CRYL1: variants seen among roughly 807,000 people sequenced by gnomAD.
CRYL1 encodes crystallin lambda 1.
Under a neutral mutation model 36.6 loss-of-function variants are expected in CRYL1, and 29 were observed. The ratio of observed to expected loss-of-function variants is 0.79; its 90% CI spans 0.59 to 1.08. CRYL1 has a LOEUF of 1.08. CRYL1 is among the 50% of genes least tolerant of loss of function. The pLI is 0.00. For synonymous variants in CRYL1, 152 were observed against 151.5 expected, an observed-to-expected ratio of 1.00 and a Z score of -0.02; for missense variants, 411 against 407.9, an observed-to-expected ratio of 1.01 and a Z score of -0.06.
chr13:20,482,447 G>A (rs183491707), intron 3 of CRYL1, among the ~76,000 whole-genome samples: 3 of 152,362 alleles, frequency 2.0e-5, no homozygotes, highest in Admixed American at 6.5e-5. Context: ...GTCAAGGCTT[G>A]AGACCAGCTT....
At chr13:20,510,645 C>T (rs772506221) in intron 2 of CRYL1, among the ~76,000 whole-genome samples, 38 of 149,416 alleles carry the variant, frequency 2.5e-4, no homozygotes, top group Non-Finnish European at 5.3e-4. Context: ...CAGAGTCTCA[C>T]TCTGTAGCCC....
At chr13:20,501,967 A>G (rs1013078944) in intron 2 of CRYL1, among the ~76,000 whole-genome samples, 1 of 152,210 alleles carries the variant, frequency 6.6e-6, no homozygotes, top group African/African-American at 2.4e-5. Flanking sequence ...TCCATGTGGC[A>G]CGGTGATAGT....
intron 1 of CRYL1, among the ~76,000 whole-genome samples, chr13:20,517,223 G>C (rs2034015694): frequency 1.3e-5 from 2 of 152,236 alleles, no homozygotes; most frequent in Admixed American, 1.3e-4. Context: ...GACAGGAGCA[G>C]ATGACAAATG....
Position 20,415,448 on chromosome 13 carries a change from C to T in CRYL1, c.634-2061G>A, listed in dbSNP as rs547526573. Among the ~76,000 whole-genome samples, 1 of 152,162 alleles carries T rather than the reference C, an allele frequency of 6.6e-6. No individual in the cohort carries two copies. The highest frequency in any genetic ancestry group is 6.5e-5 in the Admixed American group (1 of 15,278). The stretch of plus-strand genomic sequence containing the variant: ...GTGTGCTGGCTTGGACACCGCCCTG[C>T]GTCTGCAGAGAGCGCGGCGGTGAAG... On this transcript the variant is annotated intron_variant, in intron 5 of 7. Transcript: ENST00000298248. The surrounding 1 kb of genome is among the most constrained non-coding windows in gnomAD (Gnocchi z 4.1).
chr13:20,494,921 G>T (rs1378027048), intron 2 of CRYL1, among the ~76,000 whole-genome samples: 1 of 152,132 alleles, frequency 6.6e-6, no homozygotes. Flanking sequence ...GGAGAGACAC[G>T]GTCACACATG....
chr13:20,493,979 T>G (rs1381303050), intron 2 of CRYL1, among the ~76,000 whole-genome samples: 1 of 152,152 alleles, frequency 6.6e-6, no homozygotes, highest in Non-Finnish European at 1.5e-5. Context: ...TCAACCCTCA[T>G]CAAGAGCAGA....
intron 5 of CRYL1, chr13:20,418,582 G>A (rs1039263073): frequency 6.6e-6 from 1 of 152,122 alleles, no homozygotes; most frequent in South Asian, 2.1e-4. Flanking sequence ...TCTGATTCAT[G>A]TATTTTTTGC....
rs35780379 is a variant in CRYL1, at chr13:20,516,190, C to CAAA, written c.42-3643_42-3641dup. ...TGGGCGAAAGAGCAAAACTCCATCT[C>CAAA]AAAAAAAAAAAAAAAAAAAAAGGCA... is the stretch of plus-strand genomic sequence containing the variant. On this transcript the variant is annotated intron_variant, in intron 1 of 7. Coordinates refer to ENST00000298248, the MANE Select transcript of CRYL1 (RefSeq NM_015974.3). Among the ~76,000 whole-genome samples the CAAA allele has an allele frequency of 1.4e-3, 101 of 72,468 alleles. 3 individuals carry two copies. The highest frequency in any genetic ancestry group is 8.5e-3 in the East Asian group (20 of 2,348). 47.5% of individuals were successfully genotyped at this position (72,468 alleles called of 152,430 possible).
At chr13:20,505,874 T>C (rs1025334726) in intron 2 of CRYL1, among the ~76,000 whole-genome samples, 2 of 152,250 alleles carry the variant, frequency 1.3e-5, no homozygotes, top group African/African-American at 2.4e-5. Flanking sequence ...TTGGGGTTTC[T>C]GAACATCTAA....
At chr13:20,480,068 A>C (rs2033245188) in intron 3 of CRYL1, among the ~76,000 whole-genome samples, 1 of 152,210 alleles carries the variant, frequency 6.6e-6, no homozygotes, top group Non-Finnish European at 1.5e-5. Context: ...TAAAGACATT[A>C]TGAAGAAGAA....
intron 4 of CRYL1, among the ~76,000 whole-genome samples, chr13:20,439,310 T>C (rs931024185): frequency 2.6e-4 from 39 of 152,082 alleles, no homozygotes; most frequent in Admixed American, 3.3e-4. Context: ...CTCTATTCCG[T>C]TGCACATTAG....
chr13:20,508,875 A>AAAAAAAC (rs1491583448), intron 2 of CRYL1, among the ~76,000 whole-genome samples: 1 of 13,798 alleles, frequency 7.2e-5, no homozygotes, highest in African/African-American at 1.4e-4. Context: ...AAAAAAAAAA[A>AAAAAAAC]CAAAAAAAAA....
chr13:20,460,578 T>A (rs1244571793), intron 3 of CRYL1, among the ~76,000 whole-genome samples: 1 of 124,344 alleles, frequency 8.0e-6, no homozygotes, highest in African/African-American at 3.1e-5. Flanking sequence ...CAGGCTGGAG[T>A]GCAGTGGCGC....
chr13:20,507,811 C>T lies in CRYL1; in HGVS notation c.149+4632G>A, dbSNP rs567501839. Among the ~76,000 whole-genome samples the T allele has an allele frequency of 3.6e-4, 54 of 150,898 alleles. 1 individual carries two copies. The highest frequency in any genetic ancestry group is 1.2e-3 in the African/African-American group (49 of 40,962). On this transcript the variant is annotated intron_variant, in intron 2 of 7. Transcript: ENST00000298248. ...CGAGCACCTGTAGCCCCAGCTACTC[C>T]GGAGGCTGAGGCAGGAGAATGGCAT...
At chr13:20,506,647 A>G (rs1362899463) in intron 2 of CRYL1, among the ~76,000 whole-genome samples, 1 of 152,194 alleles carries the variant, frequency 6.6e-6, no homozygotes, top group Non-Finnish European at 1.5e-5. Flanking sequence ...GGCCTAAAAC[A>G]CAAATACCCA....
chr13:20,501,162 T>TCATCATTTCAGTCATTGG, intron 2 of CRYL1, among the ~76,000 whole-genome samples: 1 of 152,246 alleles, frequency 6.6e-6, no homozygotes, highest in Non-Finnish European at 1.5e-5. Flanking sequence ...TTGGCTGTAC[T>TCATCATTTCAGTCATTGG]CATCATTTCA....
chr13:20,451,751 T>C (rs2032575262), intron 3 of CRYL1, among the ~76,000 whole-genome samples: 1 of 152,108 alleles, frequency 6.6e-6, no homozygotes, highest in African/African-American at 2.4e-5. Context: ...TTAAAACAGA[T>C]CTACAATTTG....
Position 20,404,660 on chromosome 13 carries a change from C to G in CRYL1, c.821G>C (p.Arg274Thr). The change falls in exon 7 of 8, where the codon AGG becomes ACG. Residue 274 changes from arginine (R) to threonine (T), a missense_variant. Transcript: ENST00000298248. ...CTGGTTAACCTTCTCAGCAGTGGCC[C>G]TGGAAAACTCTGGAATGGGTCCAAA... is the stretch of plus-strand genomic sequence containing the variant. The part of the protein sequence containing the change: ...QTFGPIPEFS[R>T]ATAEKVNQDM... The G allele has an allele frequency of 6.2e-7, 1 of 1,613,466 alleles. No individual in the cohort carries two copies. The highest frequency in any genetic ancestry group is 1.7e-5 in the Admixed American group (1 of 60,030).
intron 5 of CRYL1, among the ~76,000 whole-genome samples, chr13:20,417,684 A>G (rs976611212): frequency 2.6e-5 from 4 of 152,174 alleles, no homozygotes; most frequent in Admixed American, 6.6e-5. Context: ...CTGCTTCCTT[A>G]GTTAAAACCT....
Sources: gnomAD v4.1 joint callset for allele counts (sites outside exome capture counted in the v4.1 genomes callset) on GRCh38, gnomAD v4.1.1 for gene constraint, Gnocchi (gnomAD v3.1) non-coding constraint, MANE v1.5 for transcripts, NCBI Gene and HGNC (gene_info 2026-07-23, HGNC 2026-07-21) for gene names.